Variants in WAPL observed in about 807,000 individuals in gnomAD.
WAPL encodes the protein WAPL cohesin release factor, also known as wings apart-like protein homolog.
WAPL carries 5 observed loss-of-function variants against 121.0 expected under a neutral mutation model. That is an observed-to-expected ratio of 0.04 (90% confidence interval 0.02 to 0.09). The LOEUF (loss-of-function observed/expected upper bound fraction) is 0.09, where lower values mean the gene tolerates loss of function less well. Ranked by LOEUF, WAPL falls within the 10% of genes least tolerant of loss-of-function variation. WAPL has a pLI of 1.00. For missense variants in WAPL, 999 were observed against 1,410.8 expected (o/e 0.71, Z 4.68); for synonymous variants, 480 against 481.5 (o/e 1.00, Z 0.04).
At chr10:86,499,134 C>T (rs1056874731) in intron 3 of WAPL, among the ~76,000 whole-genome samples, 60 of 152,298 alleles carry the variant, frequency 3.9e-4, no homozygotes, top group African/African-American at 1.4e-3. Context: ...CACATATATG[C>T]TTTAAAATTC....
intron 8 of WAPL, among the ~76,000 whole-genome samples, chr10:86,470,432 G>A (rs1589511937): frequency 6.6e-6 from 1 of 152,142 alleles, no homozygotes; most frequent in Non-Finnish European, 1.5e-5. Context: ...TACTACTAAT[G>A]CTAATAATTA....
At position 86,437,360 on chromosome 10, in the gene WAPL, G is replaced by A. The variant is rs368156479; in HGVS notation, c.*183C>T. On this transcript the variant is annotated 3_prime_UTR_variant, in exon 19 of 19. Transcript: ENST00000298767. ...TTTTTGATAGTTGCAGATTGATGTAGTAACTGTCATTTAGCAAATGCCGAA... is the reference window on the plus strand; with the variant it reads ...TTTTTGATAGTTGCAGATTGATGTAATAACTGTCATTTAGCAAATGCCGAA... The A allele has an allele frequency of 1.4e-4, 83 of 573,926 alleles. No individual in the cohort carries two copies. Among genetic ancestry groups the A allele is most frequent in the African/African-American group, 1.4e-3 (75 of 51,954 alleles). 35.6% of individuals were successfully genotyped at this position (573,926 alleles called of 1,614,324 possible).
rs772614467 is a variant in WAPL at position 86,439,410 on chromosome 10, T to C, written c.3412-1395A>G. The stretch of plus-strand genomic sequence containing the variant: ...TCAGTAGAAAAGTACGCCTCTGTAA[T>C]AGAGAATATATGATTAGCTCCTATA... On this transcript the variant is annotated intron_variant, in intron 17 of 18. Transcript: ENST00000298767. 3.9e-5 allele frequency among the ~76,000 whole-genome samples: 6 copies of C among 152,164 alleles called. No homozygotes were observed. In the East Asian group the frequency reaches 5.8e-4, roughly 15 times the overall value.
intron 2 of WAPL, 29 bp downstream of exon 2, chr10:86,517,542 G>C (rs1842580226): frequency 6.4e-7 from 1 of 1,570,960 alleles, no homozygotes; most frequent in Non-Finnish European, 8.6e-7. Flanking sequence ...AAGCTCTCTT[G>C]GCGGAGAATA....
At chr10:86,485,520 G>A (rs1460726923) in intron 4 of WAPL, among the ~76,000 whole-genome samples, 1 of 151,962 alleles carries the variant, frequency 6.6e-6, no homozygotes, top group African/African-American at 2.4e-5. Context: ...CTGGGCAACA[G>A]AGCGAGACTC....
intron 4 of WAPL, among the ~76,000 whole-genome samples, chr10:86,481,801 T>C (rs1034329205): frequency 2.9e-4 from 44 of 152,158 alleles, no homozygotes; most frequent in African/African-American, 8.9e-4. Context: ...AGTGACCTCA[T>C]TAAACTTACC....
intron 8 of WAPL, among the ~76,000 whole-genome samples, chr10:86,470,713 C>T (rs1013704583): frequency 6.6e-6 from 1 of 152,112 alleles, no homozygotes; most frequent in East Asian, 1.9e-4. Flanking sequence ...ATTATGCTTA[C>T]AAAATTCTGT....
intron 16 of WAPL, 46 bp downstream of exon 16, chr10:86,446,196 C>T (rs1394642886): frequency 1.9e-6 from 3 of 1,599,728 alleles, no homozygotes; most frequent in Non-Finnish European, 2.6e-6. Flanking sequence ...AAAACAAAAT[C>T]AAACCACTAT....
At chr10:86,437,646 A>G (rs1210384700) in intron 18 of WAPL, 38 bp from the exon 19 acceptor site, 1 of 1,600,532 alleles carries the variant, frequency 6.2e-7, no homozygotes, top group Admixed American at 1.7e-5. Context: ...GTAACAGTTA[A>G]TATTTAACAG....
chr10:86,460,074 C>CT (rs572316574), intron 11 of WAPL, among the ~76,000 whole-genome samples: 304 of 152,278 alleles, frequency 2.0e-3, no homozygotes, highest in African/African-American at 7.1e-3. Flanking sequence ...GATCATGTCA[C>CT]TGCACTGTAG....
intron 14 of WAPL, among the ~76,000 whole-genome samples, chr10:86,452,397 A>G (rs779280066): frequency 1.3e-5 from 2 of 151,504 alleles, no homozygotes; most frequent in East Asian, 4.0e-4. Context: ...CTCGAGACCA[A>G]CCTGACAAAC....
intron 9 of WAPL, among the ~76,000 whole-genome samples, chr10:86,465,174 T>G (rs1356204271): frequency 6.6e-6 from 1 of 152,094 alleles, no homozygotes; most frequent in Non-Finnish European, 1.5e-5. Flanking sequence ...GACACTGGCT[T>G]TTGTTTTTTT....
At chr10:86,458,326 G>C (rs1841198191) in intron 12 of WAPL, among the ~76,000 whole-genome samples, 1 of 152,156 alleles carries the variant, frequency 6.6e-6, no homozygotes, top group Admixed American at 6.6e-5. Context: ...AGACATACTT[G>C]GGAATTTTAC....
intron 4 of WAPL, among the ~76,000 whole-genome samples, chr10:86,495,733 G>C (rs1287974616): frequency 6.6e-6 from 1 of 152,108 alleles, no homozygotes; most frequent in Non-Finnish European, 1.5e-5. Context: ...AACAACTAAT[G>C]AAATAGCAGA....
chr10:86,460,474 T>G lies in WAPL; in HGVS notation c.2505A>C (p.Leu835Phe). ...VDKVKECVDH[L>F]SRDEDEEKLV... ...GTTTCTCTTCATCCTCATCTCTACT[T>G]AAATGATCCACACATTCTTTTACTA... Residue 835 changes from leucine to phenylalanine, a missense_variant, in exon 11 of 19, where the codon TTA becomes TTC. This residue lies in a region of WAPL where 118 missense variants were observed against 318.3 expected (regional missense o/e 0.37). Transcript: ENST00000298767. The G allele has an allele frequency of 6.2e-7, 1 of 1,613,470 alleles. No homozygotes were observed. Among genetic ancestry groups the G allele is most frequent in the Non-Finnish European group, 8.5e-7 (1 of 1,179,840 alleles).
chr10:86,518,360 T>C (rs974890183), intron 1 of WAPL, among the ~76,000 whole-genome samples: 2 of 152,264 alleles, frequency 1.3e-5, no homozygotes, highest in African/African-American at 4.8e-5. Context: ...TATAATACGA[T>C]ATCCATAAAG....
rs538622535 is a variant in WAPL, at chr10:86,494,349, T to C, written c.1644+2852A>G. 5.3e-5 allele frequency among the ~76,000 whole-genome samples: 8 copies of C among 152,304 alleles called. No individual in the cohort carries two copies. In the East Asian group the frequency reaches 1.4e-3, roughly 26 times the overall value. Reference sequence around the variant, plus strand: ...TTAAGTTGCAAGCCAAACTAGCTACTTTTTTCTCAAACATCATCTTTACTG... The same window carrying C: ...TTAAGTTGCAAGCCAAACTAGCTACCTTTTTCTCAAACATCATCTTTACTG... On this transcript the variant is annotated intron_variant, in intron 4 of 18. Transcript: ENST00000298767.
In WAPL at chr10:86,437,364, C is replaced by CT; in HGVS notation, c.*178dup. The CT allele has an allele frequency of 1.7e-6, 1 of 582,454 alleles. No homozygotes were observed. Among genetic ancestry groups the CT allele is most frequent in the East Asian group, 3.0e-5 (1 of 33,366 alleles). The allele number at this position is 582,454 out of a possible 1,614,324, so 36.1% of individuals were successfully genotyped here. On this transcript the variant is annotated 3_prime_UTR_variant, in exon 19 of 19. Transcript: ENST00000298767. ...TGATAGTTGCAGATTGATGTAGTAA[C>CT]TGTCATTTAGCAAATGCCGAATGCA...
At chr10:86,449,681 T>C (rs1840924507) in intron 15 of WAPL, among the ~76,000 whole-genome samples, 1 of 152,258 alleles carries the variant, frequency 6.6e-6, no homozygotes, top group African/African-American at 2.4e-5. Context: ...ATCTATCATC[T>C]GTGCCTTCAA....
Sources: allele counts gnomAD v4.1 joint callset (sites outside exome capture counted in the v4.1 genomes callset), GRCh38; gene constraint gnomAD v4.1.1; regional missense constraint gnomAD v4.1.1; transcripts MANE v1.5; gene names NCBI Gene and HGNC (gene_info 2026-07-23, HGNC 2026-07-21).